The following ADAD1 variants were observed in gnomAD, a reference collection of about 807,000 sequenced individuals.
The protein encoded by ADAD1 is adenosine deaminase domain-containing protein 1.
Under a neutral mutation model 66.8 loss-of-function variants are expected in ADAD1, and 46 were observed. That is an observed-to-expected ratio of 0.69 (90% CI 0.54 to 0.88). ADAD1 has a LOEUF of 0.88. Among genes scored for constraint, ADAD1 ranks in the 40% least tolerant of loss-of-function variants. ADAD1 has a pLI of 0.00. For synonymous variants in ADAD1, 248 were observed against 229.4 expected (o/e 1.08, Z -0.73); for missense variants, 617 against 681.8 (o/e 0.91, Z 1.06).
At chr4:122,419,646 A>C (rs376562853) in intron 11 of ADAD1, among the ~76,000 whole-genome samples, 10 of 152,228 alleles carry the variant, frequency 6.6e-5, no homozygotes, top group African/African-American at 2.4e-4. Context: ...TTAACAGCAC[A>C]TTACAATAAT....
intron 8 of ADAD1, among the ~76,000 whole-genome samples, chr4:122,408,571 C>T (rs965075554): frequency 6.6e-6 from 1 of 152,120 alleles, no homozygotes; most frequent in East Asian, 1.9e-4. Flanking sequence ...CCACCGCACC[C>T]GGCCAAACTC....
rs185831530 is a variant in ADAD1 at position 122,401,904 on chromosome 4, A to G, written c.724+5527A>G. ...CCTTATGTGTTAGGTGAGTCTCTTG[A>G]AGACAGCAGAAATTTGGTTGGTGAG... On this transcript the variant is annotated intron_variant, in intron 7 of 12. Transcript: ENST00000296513. Among the ~76,000 whole-genome samples the G allele has an allele frequency of 1.3e-3, 193 of 152,140 alleles. 1 individual carries two copies. Among genetic ancestry groups the G allele is most frequent in the Non-Finnish European group, 1.3e-3 (85 of 67,944 alleles).
chr4:122,414,932 G>A (rs1796658775), intron 10 of ADAD1, among the ~76,000 whole-genome samples: 1 of 150,632 alleles, frequency 6.6e-6, no homozygotes, highest in South Asian at 2.2e-4. Context: ...AAGCATTGTG[G>A]TATTGGCAAA....
intron 7 of ADAD1, among the ~76,000 whole-genome samples, chr4:122,401,410 C>G (rs1414748125): frequency 6.6e-6 from 1 of 152,020 alleles, no homozygotes; most frequent in African/African-American, 2.4e-5. Context: ...TGTTTTGTGA[C>G]CTGTCATATG....
chr4:122,412,390 T>C (rs987051805), intron 9 of ADAD1, among the ~76,000 whole-genome samples, 190 bp from the exon 10 acceptor site: 10 of 152,084 alleles, frequency 6.6e-5, no homozygotes, highest in Non-Finnish European at 1.3e-4. Flanking sequence ...GTGGTTCATT[T>C]CTGTTTTATA....
intron 8 of ADAD1, among the ~76,000 whole-genome samples, chr4:122,408,635 A>G (rs1260808680): frequency 6.6e-6 from 1 of 152,168 alleles, no homozygotes; most frequent in Non-Finnish European, 1.5e-5. Flanking sequence ...CTGTAATCCC[A>G]ACACTTTGGG....
At chr4:122,387,447 A>T (rs913881621) in intron 5 of ADAD1, among the ~76,000 whole-genome samples, 10 of 152,122 alleles carry the variant, frequency 6.6e-5, no homozygotes, top group African/African-American at 2.2e-4. Flanking sequence ...GGCTGAAAAG[A>T]TGGGGTTTTC....
chr4:122,407,627 A>T (rs1042646620), intron 7 of ADAD1, among the ~76,000 whole-genome samples: 2 of 152,228 alleles, frequency 1.3e-5, no homozygotes, highest in African/African-American at 2.4e-5. Flanking sequence ...CGATATTTGA[A>T]AGCCAAGGAC....
chr4:122,417,073 G>T (rs933359777), intron 11 of ADAD1, among the ~76,000 whole-genome samples: 1 of 152,096 alleles, frequency 6.6e-6, no homozygotes, highest in African/African-American at 2.4e-5. Flanking sequence ...AGTGGCTCAC[G>T]CCTATAACCC....
chr4:122,426,439 C>G (rs537563402), intron 12 of ADAD1, among the ~76,000 whole-genome samples: 1 of 152,292 alleles, frequency 6.6e-6, no homozygotes, highest in South Asian at 2.1e-4. Flanking sequence ...TACAAAAGCT[C>G]TTTCAGAAAA....
At position 122,396,323 on chromosome 4, in the gene ADAD1, C is replaced by A; in HGVS notation, c.670C>A (p.Arg224Ser). 5 of 1,604,370 alleles carry A rather than the reference C, an allele frequency of 3.1e-6. No homozygotes were observed. The highest frequency in any genetic ancestry group is 4.3e-6 in the Non-Finnish European group (5 of 1,175,288). Residue 224 changes from arginine to serine, a missense_variant, in exon 7 of 13, where the codon CGT becomes AGT. By Grantham distance (110) the Arg-to-Ser change is moderately radical (BLOSUM62 -1). Transcript: ENST00000296513. Reference protein sequence around the residue: ...KERFNQLISNRSEYLKYSSSL... With the variant: ...KERFNQLISNSSEYLKYSSSL... ...AAGATTTAATCAACTAATTTCTAAT[C>A]GTTCAGAATACCTGAAATATAGCAG... is the stretch of plus-strand genomic sequence containing the variant.
In ADAD1 at chr4:122,393,671, T is replaced by A. The variant is rs889514270; in HGVS notation, c.598+14T>A. On this transcript the variant is annotated intron_variant, in intron 6 of 12. Transcript: ENST00000296513. The stretch of plus-strand genomic sequence containing the variant: ...AAGTACATTATGGTAGGAAAGTTTT[T>A]TGTGACGTTCTTCTTTAGAAGAGTA... The A allele has an allele frequency of 5.7e-6, 9 of 1,569,964 alleles. No homozygotes were observed. The African/African-American group carries it at 1.1e-4, about 19-fold the overall frequency.
chr4:122,394,781 A>G (rs1208073315), intron 6 of ADAD1, among the ~76,000 whole-genome samples: 1 of 152,226 alleles, frequency 6.6e-6, no homozygotes, highest in Non-Finnish European at 1.5e-5. Context: ...GATGGCAAAT[A>G]ATATAGATTG....
intron 5 of ADAD1, among the ~76,000 whole-genome samples, 178 bp downstream of exon 5, chr4:122,384,144 C>A (rs752106050): frequency 3.7e-4 from 57 of 152,180 alleles, no homozygotes; most frequent in Non-Finnish European, 8.1e-4. Context: ...AATGCTCTTG[C>A]ATATTTCAGC....
intron 7 of ADAD1, among the ~76,000 whole-genome samples, chr4:122,405,519 T>C (rs1796166540): frequency 6.6e-6 from 1 of 152,204 alleles, no homozygotes. Flanking sequence ...CACTTGACTT[T>C]CTAGAAACAT....
chr4:122,389,704 T>C (rs887634502), intron 5 of ADAD1, among the ~76,000 whole-genome samples: 1 of 152,230 alleles, frequency 6.6e-6, no homozygotes, highest in African/African-American at 2.4e-5. Context: ...TTCCATTTAC[T>C]TGGTAGATTT....
intron 11 of ADAD1, among the ~76,000 whole-genome samples, chr4:122,416,469 G>A (rs1796738612): frequency 6.6e-6 from 1 of 152,226 alleles, no homozygotes; most frequent in South Asian, 2.1e-4. Context: ...GCTCATACCT[G>A]TAATCCTAGC....
chr4:122,380,935 G>A, intron 3 of ADAD1, 57 bp from the exon 4 acceptor site: 1 of 1,459,084 alleles, frequency 6.9e-7, no homozygotes, highest in Non-Finnish European at 9.3e-7. Context: ...TATTGCTTTT[G>A]CTCATTTTTG....
chr4:122,404,032 A>G lies in ADAD1; in HGVS notation c.725-3876A>G, dbSNP rs892499292. Among the ~76,000 whole-genome samples the G allele has an allele frequency of 5.3e-5, 8 of 152,188 alleles. No homozygotes were observed. The East Asian group carries it at 1.2e-3, about 22-fold the overall frequency. ...GTCTCACTCCTGCAGTGCCCCGCCA[A>G]CAGAGCCCAGTTTATATTCAGGCTG... On this transcript the variant is annotated intron_variant, in intron 7 of 12. Coordinates refer to ENST00000296513, the MANE Select transcript of ADAD1 (RefSeq NM_139243.4).
Sources: allele counts gnomAD v4.1 joint callset (sites outside exome capture counted in the v4.1 genomes callset), GRCh38; gene constraint gnomAD v4.1.1; transcripts MANE v1.5; gene names NCBI Gene and HGNC (gene_info 2026-07-23, HGNC 2026-07-21).